Variants in DYNC1H1 observed in about 807,000 individuals in gnomAD.
DYNC1H1 encodes dynein cytoplasmic 1 heavy chain 1.
Under a neutral mutation model 527.1 loss-of-function variants are expected in DYNC1H1, and 51 were observed. That is an observed-to-expected ratio of 0.10 (90% CI 0.08 to 0.12). The LOEUF (loss-of-function observed/expected upper bound fraction) is 0.12, where lower values mean the gene tolerates loss of function less well. Among genes scored for constraint, DYNC1H1 ranks in the 10% least tolerant of loss-of-function variants. DYNC1H1 has a pLI of 1.00. For missense variants in DYNC1H1, 2,771 were observed against 5,971.8 expected, an observed-to-expected ratio of 0.46 and a Z score of 17.66; for synonymous variants, 2,189 against 2,278.8, an observed-to-expected ratio of 0.96 and a Z score of 1.12.
At chr14:101,994,953 CTGA>C (rs780152189) in intron 13 of DYNC1H1, 30 bp from the exon 14 acceptor site, 2 of 1,613,290 alleles carry the variant, frequency 1.2e-6, no homozygotes, top group East Asian at 4.5e-5. Context: ...CAGGAAAGAG[CTGA>C]TGATGTGTTG....
intron 10 of DYNC1H1, among the ~76,000 whole-genome samples, chr14:101,989,242 T>TA (rs2047969060): frequency 6.6e-6 from 1 of 152,232 alleles, no homozygotes; most frequent in Admixed American, 6.5e-5. Context: ...AAAAACTTCT[T>TA]ACCATTCATG....
At chr14:102,000,634 G>A in intron 18 of DYNC1H1, 1 of 523,300 alleles carries the variant, frequency 1.9e-6, no homozygotes, top group Non-Finnish European at 3.4e-6. Flanking sequence ...GAGTGCAATG[G>A]CATGATCTCG....
rs1213293225 is a variant in DYNC1H1, at chr14:101,965,557, C to T, written c.256+610C>T. Among the ~76,000 whole-genome samples, 1 of 152,132 alleles carries T rather than the reference C, an allele frequency of 6.6e-6. No individual in the cohort carries two copies. The highest frequency in any genetic ancestry group is 2.4e-5 in the African/African-American group (1 of 41,442). On this transcript the variant is annotated intron_variant, in intron 1 of 77. Transcript: ENST00000360184. This position sits in a 1 kb window ranked among gnomAD's most constrained non-coding sequence, Gnocchi z 4.1. ...CAGAGCGACGGTGCCAGCCCCGGGC[C>T]TGCGAGCATCACTGTTGTAGGTGGA... is the stretch of plus-strand genomic sequence containing the variant.
chr14:101,971,988 A>G (rs540209857), intron 1 of DYNC1H1, among the ~76,000 whole-genome samples: 1 of 152,316 alleles, frequency 6.6e-6, no homozygotes, highest in South Asian at 2.1e-4. Flanking sequence ...CTTTGAATGC[A>G]TGGACATATA....
chr14:102,006,276 C>A, intron 27 of DYNC1H1, 106 bp downstream of exon 27: 1 of 1,523,550 alleles, frequency 6.6e-7, no homozygotes, highest in South Asian at 1.2e-5. Context: ...TGTCTGTCGC[C>A]CAGGCTGGAG....
At chr14:102,025,566 A>C (rs1370682560) in intron 43 of DYNC1H1, among the ~76,000 whole-genome samples, 2 of 20,660 alleles carry the variant, frequency 9.7e-5, no homozygotes, top group African/African-American at 3.1e-4. Flanking sequence ...TGTCTCAAGG[A>C]AAAAAAAAAA....
At position 102,049,881 on chromosome 14, in the gene DYNC1H1, G is replaced by A. The variant is rs192742245; in HGVS notation, c.13683G>A (p.Thr4561=). ...TTGACGCTTGCAGCTTCGGAGTCAC[G>A]GGTGAGTGGAGTCTCACAGAAAATA... ...ATLDACSFGV[T]GLKLQGATCN... The change falls in exon 76 of 78, where the codon ACG becomes ACA. Residue 4561 remains threonine (T), a splice_region_variant and synonymous_variant. Coordinates refer to ENST00000360184, the MANE Select transcript of DYNC1H1 (RefSeq NM_001376.5). This position sits in a 1 kb window ranked among gnomAD's most constrained non-coding sequence, Gnocchi z 5.5. 3.0e-5 allele frequency: 48 copies of A among 1,608,604 alleles called. No homozygotes were observed. The African/African-American group carries it at 4.3e-4, about 14-fold the overall frequency.
intron 48 of DYNC1H1, chr14:102,028,981 T>G (rs2048480630): frequency 5.9e-6 from 1 of 170,078 alleles, no homozygotes; most frequent in African/African-American, 2.4e-5. Flanking sequence ...TGCTGTAGAT[T>G]CTGTGTGATA....
intron 27 of DYNC1H1, among the ~76,000 whole-genome samples, chr14:102,006,465 C>G (rs2048197876): frequency 6.6e-6 from 1 of 152,170 alleles, no homozygotes; most frequent in Non-Finnish European, 1.5e-5. Flanking sequence ...GAACTCCTGA[C>G]CTGGTGACCC....
chr14:102,016,609 A>C lies in DYNC1H1; in HGVS notation c.7614+120A>C. The C allele has an allele frequency of 6.3e-7, 1 of 1,586,782 alleles. No homozygotes were observed. Among genetic ancestry groups the C allele is most frequent in the Non-Finnish European group, 8.6e-7 (1 of 1,158,930 alleles). On this transcript the variant is annotated intron_variant, in intron 37 of 77. Coordinates refer to ENST00000360184, the MANE Select transcript of DYNC1H1 (RefSeq NM_001376.5). The surrounding 1 kb of genome is among the most constrained non-coding windows in gnomAD (Gnocchi z 7.3). ...TCATTTTATTCCATTTCATAGAAGG[A>C]CTTTATCCTTTTAGTTCCATGTGTT... is the stretch of plus-strand genomic sequence containing the variant.
At position 102,012,189 on chromosome 14, in the gene DYNC1H1, A is replaced by G; in HGVS notation, c.6857+76A>G. The G allele has an allele frequency of 1.9e-6, 3 of 1,610,586 alleles. No homozygotes were observed. The highest frequency in any genetic ancestry group is 2.2e-5 in the South Asian group (2 of 90,870). On this transcript the variant is annotated intron_variant, in intron 33 of 77. Coordinates refer to ENST00000360184, the MANE Select transcript of DYNC1H1 (RefSeq NM_001376.5). This position sits in a 1 kb window ranked among gnomAD's most constrained non-coding sequence, Gnocchi z 4.9. ...TACTTTGCTCTCACAAGAGCAGAGTATACGTTATTTTTCAACCAAAGTCTG... is the reference window on the plus strand; with the variant it reads ...TACTTTGCTCTCACAAGAGCAGAGTGTACGTTATTTTTCAACCAAAGTCTG...
At chr14:101,967,762 C>T (rs1364269041) in intron 1 of DYNC1H1, among the ~76,000 whole-genome samples, 1 of 152,152 alleles carries the variant, frequency 6.6e-6, no homozygotes, top group East Asian at 1.9e-4. Context: ...AGGAGTTTGA[C>T]GCTGTGGTGA....
chr14:102,038,933 G>C lies in DYNC1H1; in HGVS notation c.11207-68G>C. ...AGTGACTAGGATGTTCCACGTTTGT[G>C]GCAAACACTTCTGAGAGCATACCTT... On this transcript the variant is annotated intron_variant, in intron 59 of 77. Coordinates refer to ENST00000360184, the MANE Select transcript of DYNC1H1 (RefSeq NM_001376.5). The surrounding 1 kb of genome is among the most constrained non-coding windows in gnomAD (Gnocchi z 7.2). The C allele has an allele frequency of 9.3e-6, 15 of 1,613,960 alleles. No individual in the cohort carries two copies. Among genetic ancestry groups the C allele is most frequent in the Non-Finnish European group, 1.3e-5 (15 of 1,180,024 alleles).
At chr14:101,972,965 T>TA in intron 1 of DYNC1H1, among the ~76,000 whole-genome samples, 1 of 152,208 alleles carries the variant, frequency 6.6e-6, no homozygotes, top group South Asian at 2.1e-4. Context: ...TTACAGGTTG[T>TA]AATCGTGTGT....
At chr14:101,966,486 A>C (rs771284109) in intron 1 of DYNC1H1, among the ~76,000 whole-genome samples, 3 of 152,044 alleles carry the variant, frequency 2.0e-5, no homozygotes, top group East Asian at 1.9e-4. Flanking sequence ...CTATACAGCT[A>C]AAGTAAAAAT....
At position 102,047,857 on chromosome 14, in the gene DYNC1H1, G is replaced by A; in HGVS notation, c.13047G>A (p.Leu4349=). 6.2e-7 allele frequency: 1 copy of A among 1,613,572 alleles called. No individual in the cohort carries two copies. Among genetic ancestry groups the A allele is most frequent in the Middle Eastern group, 1.6e-4 (1 of 6,062 alleles). ...GTAAAATGCTGAAGATGCAGATGTT[G>A]GAGGATGAGGACGACCTGGCCTACG... ...MISKMLKMQM[L]EDEDDLAYAE... The change falls in exon 73 of 78, where the codon TTG becomes TTA. Residue 4349 remains leucine, a synonymous_variant. Transcript: ENST00000360184.
chr14:102,042,366 C>G lies in DYNC1H1; in HGVS notation c.12276-18C>G, dbSNP rs752930546. The G allele has an allele frequency of 2.5e-6, 4 of 1,614,206 alleles. No homozygotes were observed. The East Asian group carries it at 8.9e-5, about 36-fold the overall frequency. On this transcript the variant is annotated intron_variant, in intron 67 of 77. Coordinates refer to ENST00000360184, the MANE Select transcript of DYNC1H1 (RefSeq NM_001376.5). This position sits in a 1 kb window ranked among gnomAD's most constrained non-coding sequence, Gnocchi z 5.7. ...AGGCAGCCTGGCATGCTGTGTGACTCTCACTTTGTGTGTGCAGGTGGGTGA... is the reference window on the plus strand; with the variant it reads ...AGGCAGCCTGGCATGCTGTGTGACTGTCACTTTGTGTGTGCAGGTGGGTGA...
chr14:102,006,849 C>T (rs187488009), intron 27 of DYNC1H1, among the ~76,000 whole-genome samples, 159 bp from the exon 28 acceptor site: 5 of 152,334 alleles, frequency 3.3e-5, no homozygotes, highest in Admixed American at 3.3e-4. Context: ...ATCTGCCTGC[C>T]TCGGCCTCCC....
chr14:102,007,683 C>T (rs1021340905), intron 28 of DYNC1H1, among the ~76,000 whole-genome samples: 2 of 152,132 alleles, frequency 1.3e-5, no homozygotes, highest in African/African-American at 4.8e-5. Context: ...GTGACTTGCC[C>T]AAGGCCAAGC....
Sources: allele counts gnomAD v4.1 joint callset (sites outside exome capture counted in the v4.1 genomes callset), GRCh38; gene constraint gnomAD v4.1.1; non-coding constraint Gnocchi (gnomAD v3.1); transcripts MANE v1.5; gene names NCBI Gene and HGNC (gene_info 2026-07-23, HGNC 2026-07-21).